The following SLC35F1 variants were observed in gnomAD, a reference collection of about 807,000 sequenced individuals.
SLC35F1 encodes the protein solute carrier family 35 member F1.
In SLC35F1, 14 loss-of-function variants were observed where a neutral mutation model predicts 48.7. The ratio of observed to expected loss-of-function variants is 0.29; its 90% CI spans 0.19 to 0.45. The LOEUF is 0.45. Among genes scored for constraint, SLC35F1 ranks in the 20% least tolerant of loss-of-function variants. SLC35F1 has a pLI of 1.00. For missense variants in SLC35F1, 404 were observed against 500.0 expected, an observed-to-expected ratio of 0.81 and a Z score of 1.83; for synonymous variants, 190 against 202.2, an observed-to-expected ratio of 0.94 and a Z score of 0.51.
chr6:118,209,696 C>T (rs1774978953), intron 2 of SLC35F1, among the ~76,000 whole-genome samples: 1 of 151,980 alleles, frequency 6.6e-6, no homozygotes, highest in South Asian at 2.1e-4. Context: ...GTAGCCATGA[C>T]ATTTTAGGAG....
rs149596837 is a variant in SLC35F1 at position 117,973,357 on chromosome 6, T to A, written c.173+65458T>A. Among the ~76,000 whole-genome samples, 13 of 152,196 alleles carry A rather than the reference T, an allele frequency of 8.5e-5. No homozygotes were observed. The East Asian group carries it at 2.1e-3, about 25-fold the overall frequency. On this transcript the variant is annotated intron_variant, in intron 1 of 7. Coordinates refer to ENST00000360388, the MANE Select transcript of SLC35F1 (RefSeq NM_001029858.4). ...AACTGGGGGTTAGGACTTCAACATA[T>A]GGATTTGGGGTTGTAAGGGGACAAA...
chr6:118,236,403 G>C (rs957454768), intron 3 of SLC35F1, among the ~76,000 whole-genome samples: 9 of 152,064 alleles, frequency 5.9e-5, no homozygotes, highest in Admixed American at 2.6e-4. Context: ...CCATTGCAAA[G>C]CTCTAGGATA....
At chr6:118,068,946 G>T (rs1772658946) in intron 1 of SLC35F1, among the ~76,000 whole-genome samples, 2 of 151,984 alleles carry the variant, frequency 1.3e-5, no homozygotes, top group East Asian at 1.9e-4. Flanking sequence ...TCAATTAAAA[G>T]AAAAATATTT....
At chr6:118,117,897 G>A (rs771712116) in intron 1 of SLC35F1, among the ~76,000 whole-genome samples, 1 of 152,182 alleles carries the variant, frequency 6.6e-6, no homozygotes, top group Non-Finnish European at 1.5e-5. Context: ...CCGTGTTGTT[G>A]TATGCATTAC....
At chr6:117,920,690 A>C (rs1032513662) in intron 1 of SLC35F1, among the ~76,000 whole-genome samples, 7 of 152,188 alleles carry the variant, frequency 4.6e-5, no homozygotes, top group African/African-American at 1.7e-4. Flanking sequence ...CAGGATTTAC[A>C]AAGAGTATGT....
chr6:117,993,246 C>T (rs1489453740), intron 1 of SLC35F1, among the ~76,000 whole-genome samples: 2 of 152,130 alleles, frequency 1.3e-5, no homozygotes, highest in African/African-American at 4.8e-5. Context: ...CCTTCTTTAA[C>T]CCCCTACTCT....
At chr6:118,271,919 C>A (rs1775856468) in intron 4 of SLC35F1, among the ~76,000 whole-genome samples, 1 of 152,114 alleles carries the variant, frequency 6.6e-6, no homozygotes, top group African/African-American at 2.4e-5. Flanking sequence ...ATTTTATTCT[C>A]ACAGTAACCT....
chr6:118,115,080 C>G (rs1475725011), intron 1 of SLC35F1, among the ~76,000 whole-genome samples: 1 of 152,154 alleles, frequency 6.6e-6, no homozygotes, highest in East Asian at 1.9e-4. Context: ...TATACAGAGA[C>G]ACAACTTTGT....
intron 2 of SLC35F1, among the ~76,000 whole-genome samples, chr6:118,198,659 A>G (rs1412838419): frequency 6.6e-6 from 1 of 152,162 alleles, no homozygotes; most frequent in Admixed American, 6.5e-5. Flanking sequence ...CATCTTTTTT[A>G]TTGCTTTGAT....
chr6:118,012,620 A>G (rs1033423003), intron 1 of SLC35F1, among the ~76,000 whole-genome samples: 2 of 152,204 alleles, frequency 1.3e-5, no homozygotes, highest in Non-Finnish European at 2.9e-5. Context: ...AAGTGAGAAT[A>G]TGCTTCACTT....
At chr6:118,031,624 TA>T (rs1019018870) in intron 1 of SLC35F1, among the ~76,000 whole-genome samples, 3 of 152,188 alleles carry the variant, frequency 2.0e-5, no homozygotes, top group African/African-American at 7.2e-5. Flanking sequence ...GGAGTTAGGG[TA>T]GAAGAAAACG....
intron 6 of SLC35F1, among the ~76,000 whole-genome samples, chr6:118,284,625 G>A: frequency 6.6e-6 from 1 of 152,128 alleles, no homozygotes; most frequent in East Asian, 1.9e-4. Flanking sequence ...GGAGGAGACT[G>A]ACAGATCATC....
intron 2 of SLC35F1, among the ~76,000 whole-genome samples, chr6:118,193,460 A>G (rs1403402148): frequency 6.6e-6 from 1 of 152,124 alleles, no homozygotes; most frequent in Non-Finnish European, 1.5e-5. Context: ...ACCTTCCACA[A>G]CTTGTTCAAA....
chr6:118,133,872 T>C (rs756448673), intron 1 of SLC35F1, among the ~76,000 whole-genome samples: 13 of 152,228 alleles, frequency 8.5e-5, no homozygotes, highest in Non-Finnish European at 1.6e-4. Flanking sequence ...TGCCATGGTA[T>C]GGCAGTGTGG....
intron 1 of SLC35F1, among the ~76,000 whole-genome samples, chr6:117,997,230 A>T (rs1777007554): frequency 1.3e-5 from 2 of 152,174 alleles, no homozygotes; most frequent in South Asian, 2.1e-4. Context: ...GAGAAAAAAG[A>T]ATAAAAAGAA....
intron 1 of SLC35F1, among the ~76,000 whole-genome samples, chr6:118,103,912 G>A (rs1349965680): frequency 6.6e-6 from 1 of 152,162 alleles, no homozygotes; most frequent in African/African-American, 2.4e-5. Context: ...AAGTCTCAGA[G>A]TTTGCAGTAG....
intron 2 of SLC35F1, among the ~76,000 whole-genome samples, chr6:118,190,497 A>G (rs1304931123): frequency 6.6e-6 from 1 of 152,066 alleles, no homozygotes; most frequent in African/African-American, 2.4e-5. Flanking sequence ...GTATGATTTA[A>G]AAAAACTTGG....
chr6:118,006,146 T>C (rs2114872212), intron 1 of SLC35F1, among the ~76,000 whole-genome samples: 1 of 152,250 alleles, frequency 6.6e-6, no homozygotes, highest in Non-Finnish European at 1.5e-5. Context: ...CTATTATCAT[T>C]TTTTGGTTTG....
intron 1 of SLC35F1, among the ~76,000 whole-genome samples, chr6:118,082,494 G>T (rs972745411): frequency 1.3e-5 from 2 of 152,040 alleles, no homozygotes; most frequent in Non-Finnish European, 2.9e-5. Flanking sequence ...TGAATGAACA[G>T]TAATGTCTGT....
Sources: allele counts gnomAD v4.1 joint callset (sites outside exome capture counted in the v4.1 genomes callset), GRCh38; gene constraint gnomAD v4.1.1; transcripts MANE v1.5; gene names NCBI Gene and HGNC (gene_info 2026-07-23, HGNC 2026-07-21).